The following CADPS variants were observed in gnomAD, a reference collection of about 807,000 sequenced individuals.
CADPS encodes the protein calcium dependent secretion activator.
A neutral mutation model predicts 167.3 loss-of-function variants in CADPS; 57 were observed. That is an observed-to-expected ratio of 0.34 (90% CI 0.28 to 0.42). The LOEUF is 0.42. Among genes scored for constraint, CADPS ranks in the 20% least tolerant of loss-of-function variants. The probability of loss-of-function intolerance (pLI) is 1.00; values close to 1 mark genes in which losing one functional copy is unlikely to be tolerated. For missense variants in CADPS, 1,414 were observed against 1,738.1 expected, an observed-to-expected ratio of 0.81 and a Z score of 3.32; for synonymous variants, 676 against 635.3, an observed-to-expected ratio of 1.06 and a Z score of -0.96.
intron 1 of CADPS, among the ~76,000 whole-genome samples, chr3:62,822,955 G>C (rs1004092864): frequency 6.6e-6 from 1 of 152,184 alleles, no homozygotes; most frequent in African/African-American, 2.4e-5. Context: ...TTGCAGATAA[G>C]GAACCTAGAT....
chr3:62,648,970 CACAAT>C (rs1191317829), intron 5 of CADPS, among the ~76,000 whole-genome samples: 1 of 152,172 alleles, frequency 6.6e-6, no homozygotes, highest in Admixed American at 6.5e-5. Context: ...CTTCCAACTG[CACAAT>C]ACATGTTGAA....
chr3:62,458,999 C>A lies in CADPS; in HGVS notation c.3636+6368G>T, dbSNP rs118125704. On this transcript the variant is annotated intron_variant, in intron 26 of 29. Coordinates refer to ENST00000383710, the MANE Select transcript of CADPS (RefSeq NM_003716.4). This position sits in a 1 kb window ranked among gnomAD's most constrained non-coding sequence, Gnocchi z 4.6. Reference sequence around the variant, plus strand: ...GTGTGTTAATTGTTAACTCCATTTTCATGGCATCAACTGGAAATAAGGATG... The same window carrying A: ...GTGTGTTAATTGTTAACTCCATTTTAATGGCATCAACTGGAAATAAGGATG... 3.5e-4 allele frequency among the ~76,000 whole-genome samples: 54 copies of A among 152,316 alleles called. 1 individual carries two copies. In the East Asian group the frequency reaches 8.7e-3, roughly 24 times the overall value.
rs1411718078 is a variant in CADPS at position 62,421,006 on chromosome 3, T to C, written c.3777+17098A>G. Among the ~76,000 whole-genome samples, 1 of 152,080 alleles carries C rather than the reference T, an allele frequency of 6.6e-6. No individual in the cohort carries two copies. Among genetic ancestry groups the C allele is most frequent in the Non-Finnish European group, 1.5e-5 (1 of 68,016 alleles). ...CACAAACCTCAGACCATTGTCCTTATACAAGATACACATTCAACATGCTGG... is the reference window on the plus strand; with the variant it reads ...CACAAACCTCAGACCATTGTCCTTACACAAGATACACATTCAACATGCTGG... On this transcript the variant is annotated intron_variant, in intron 28 of 29. Coordinates refer to ENST00000383710, the MANE Select transcript of CADPS (RefSeq NM_003716.4). The surrounding 1 kb of genome is among the most constrained non-coding windows in gnomAD (Gnocchi z 4.7).
intron 17 of CADPS, among the ~76,000 whole-genome samples, chr3:62,506,270 C>T (rs886091218): frequency 2.0e-5 from 3 of 152,050 alleles, no homozygotes; most frequent in African/African-American, 7.2e-5. Context: ...CACCTGTATT[C>T]CCAGCTACTC....
chr3:62,435,229 G>A (rs2054755888), intron 28 of CADPS, among the ~76,000 whole-genome samples: 1 of 152,260 alleles, frequency 6.6e-6, no homozygotes, highest in South Asian at 2.1e-4. Context: ...TAAAGAATAA[G>A]TTCATTTGCA....
intron 11 of CADPS, among the ~76,000 whole-genome samples, chr3:62,541,288 T>C (rs145949099): frequency 7.7e-4 from 117 of 152,314 alleles, no homozygotes; most frequent in Admixed American, 2.0e-3. Flanking sequence ...CAGTGAGCTA[T>C]ATGATTTTAT....
Position 62,491,574 on chromosome 3 carries a change from C to CACACACACACAA in CADPS, c.2885-95_2885-94insTTGTGTGTGTGT, listed in dbSNP as rs1553815722. On this transcript the variant is annotated intron_variant, in intron 20 of 29. Coordinates refer to ENST00000383710, the MANE Select transcript of CADPS (RefSeq NM_003716.4). ...ACACACACAAACACACACACACACA[C>CACACACACACAA]ACACACACACAGATGATTGATTGTC... The CACACACACACAA allele has an allele frequency of 4.3e-5, 42 of 979,424 alleles. No homozygotes were observed. The African/African-American group carries it at 5.7e-4, about 13-fold the overall frequency. 60.7% of individuals were successfully genotyped at this position (979,424 alleles called of 1,614,324 possible). A position where few individuals can be genotyped will look rare whatever the true frequency, so the allele number is the denominator to read the frequency against.
At chr3:62,548,055 G>A (rs2076778586) in intron 11 of CADPS, among the ~76,000 whole-genome samples, 1 of 152,110 alleles carries the variant, frequency 6.6e-6, no homozygotes, top group South Asian at 2.1e-4. Flanking sequence ...AATATCACCT[G>A]AGATACATGC....
In CADPS at chr3:62,399,136, C is replaced by T; in HGVS notation, c.*270G>A. On this transcript the variant is annotated 3_prime_UTR_variant, in exon 30 of 30. Coordinates refer to ENST00000383710, the MANE Select transcript of CADPS (RefSeq NM_003716.4). This position sits in a 1 kb window ranked among gnomAD's most constrained non-coding sequence, Gnocchi z 5.6. ...ATCTTTGCTGATAACAGGGACACGC[C>T]TAGTGGTTAGACTATGTATTCTCCA... The T allele has an allele frequency of 2.8e-6, 1 of 352,942 alleles. No individual in the cohort carries two copies. Among genetic ancestry groups the T allele is most frequent in the Non-Finnish European group, 5.3e-6 (1 of 190,176 alleles). The allele number at this position is 352,942 out of a possible 1,614,324, so 21.9% of individuals were successfully genotyped here. A position where few individuals can be genotyped will look rare whatever the true frequency, so the allele number is the denominator to read the frequency against.
intron 21 of CADPS, among the ~76,000 whole-genome samples, chr3:62,482,884 G>C (rs1576627652): frequency 6.6e-6 from 1 of 152,286 alleles, no homozygotes; most frequent in South Asian, 2.1e-4. Context: ...CCAGCCTTTT[G>C]TTTTTGGACA....
chr3:62,777,723 G>A (rs2090651155), intron 1 of CADPS, among the ~76,000 whole-genome samples: 1 of 152,092 alleles, frequency 6.6e-6, no homozygotes, highest in Non-Finnish European at 1.5e-5. Flanking sequence ...AAAATAAAGT[G>A]TATTAGTTAA....
intron 13 of CADPS, among the ~76,000 whole-genome samples, chr3:62,531,714 C>A (rs1247474665): frequency 6.6e-6 from 1 of 152,180 alleles, no homozygotes; most frequent in African/African-American, 2.4e-5. Flanking sequence ...TGTGGCTTCA[C>A]TGGCTGTTGG....
At chr3:62,856,170 A>G (rs969293457) in intron 1 of CADPS, among the ~76,000 whole-genome samples, 1 of 152,212 alleles carries the variant, frequency 6.6e-6, no homozygotes, top group African/African-American at 2.4e-5. Flanking sequence ...AGAGTAGTCC[A>G]TTAGCCCTGA....
chr3:62,525,231 C>T (rs1209013651), intron 13 of CADPS, among the ~76,000 whole-genome samples: 3 of 151,894 alleles, frequency 2.0e-5, no homozygotes, highest in African/African-American at 7.3e-5. Context: ...ATCTGCTGTT[C>T]TCATGGGGAA....
In CADPS at chr3:62,785,288, A is replaced by G. The variant is rs115121879; in HGVS notation, c.442-19304T>C. ...GGCGGGGTCAAAGGCAGGGAATGCCAGTGACCAGGTCTATTTATAGCAATG... is the reference window on the plus strand; with the variant it reads ...GGCGGGGTCAAAGGCAGGGAATGCCGGTGACCAGGTCTATTTATAGCAATG... On this transcript the variant is annotated intron_variant, in intron 1 of 29. Coordinates refer to ENST00000383710, the MANE Select transcript of CADPS (RefSeq NM_003716.4). Among the ~76,000 whole-genome samples, 847 of 152,328 alleles carry G rather than the reference A, an allele frequency of 5.6e-3. 7 individuals are homozygous for G. Among genetic ancestry groups the G allele is most frequent in the African/African-American group, 0.019 (799 of 41,574 alleles).
intron 9 of CADPS, among the ~76,000 whole-genome samples, chr3:62,567,609 C>G (rs1448049943): frequency 9.0e-6 from 1 of 111,576 alleles, no homozygotes; most frequent in African/African-American, 3.4e-5. Context: ...GAGTCTCACT[C>G]TGTCTCCCAG....
chr3:62,847,092 G>A (rs565824881), intron 1 of CADPS, among the ~76,000 whole-genome samples: 2 of 152,274 alleles, frequency 1.3e-5, no homozygotes, highest in Admixed American at 6.5e-5. Context: ...GGCAGTGAGA[G>A]CCTTTTCTAG....
rs56153630 is a variant in CADPS at position 62,494,669 on chromosome 3, AT to A, written c.2707-1005del. Among the ~76,000 whole-genome samples, 178 of 118,586 alleles carry A rather than the reference AT, an allele frequency of 1.5e-3. 1 individual carries two copies. Among genetic ancestry groups the A allele is most frequent in the East Asian group, 4.4e-3 (18 of 4,058 alleles). 77.8% of individuals were successfully genotyped at this position (118,586 alleles called of 152,430 possible). A position where few individuals can be genotyped will look rare whatever the true frequency, so the allele number is the denominator to read the frequency against. On this transcript the variant is annotated intron_variant, in intron 18 of 29. Transcript: ENST00000383710. ...ACCTCATACCTGGCTCTTACCAGCA[AT>A]TTTTTTTTTTTTTTTGGACGGAGTT...
chr3:62,625,390 C>T (rs1013329970), intron 6 of CADPS: 7 of 146,974 alleles, frequency 4.8e-5, no homozygotes, highest in Non-Finnish European at 1.0e-4. Context: ...TTCACACACA[C>T]ACACACACAC....
Sources: gnomAD v4.1 joint callset for allele counts (sites outside exome capture counted in the v4.1 genomes callset) on GRCh38, gnomAD v4.1.1 for gene constraint, Gnocchi (gnomAD v3.1) non-coding constraint, MANE v1.5 for transcripts, NCBI Gene and HGNC (gene_info 2026-07-23, HGNC 2026-07-21) for gene names.